The following MDGA2 variants were observed in gnomAD, a reference collection of about 807,000 sequenced individuals.
MDGA2 encodes the protein MAM domain-containing glycosylphosphatidylinositol anchor protein 2.
A neutral mutation model predicts 117.8 loss-of-function variants in MDGA2; 40 were observed. That is an observed-to-expected ratio of 0.34 (90% confidence interval 0.26 to 0.44). The LOEUF is 0.44. Ranked by LOEUF, MDGA2 falls within the 20% of genes least tolerant of loss-of-function variation. The pLI is 1.00. For synonymous variants in MDGA2, 452 were observed against 439.0 expected, an observed-to-expected ratio of 1.03 and a Z score of -0.37; for missense variants, 1,123 against 1,250.6, an observed-to-expected ratio of 0.90 and a Z score of 1.54.
At chr14:47,501,500 T>G (rs2138673458) in intron 1 of MDGA2, among the ~76,000 whole-genome samples, 1 of 152,314 alleles carries the variant, frequency 6.6e-6, no homozygotes, top group Non-Finnish European at 1.5e-5. Flanking sequence ...TGAGTTGAAC[T>G]GTGTCACCCC....
chr14:46,868,588 C>T (rs1222131042), intron 14 of MDGA2, among the ~76,000 whole-genome samples: 1 of 151,918 alleles, frequency 6.6e-6, no homozygotes, highest in Non-Finnish European at 1.5e-5. Context: ...AAGATCTTTA[C>T]CCTGGAAGCT....
At chr14:47,505,133 T>C (rs980151131) in intron 1 of MDGA2, among the ~76,000 whole-genome samples, 1 of 152,004 alleles carries the variant, frequency 6.6e-6, no homozygotes, top group Admixed American at 6.6e-5. Context: ...ATCTCACTCA[T>C]ATGTGGAATC....
chr14:46,986,868 T>C (rs1301510504), intron 8 of MDGA2, among the ~76,000 whole-genome samples: 3 of 152,122 alleles, frequency 2.0e-5, no homozygotes, highest in Non-Finnish European at 2.9e-5. Context: ...CTTAGAAAGC[T>C]TGGTTAACAA....
At chr14:46,996,966 T>C (rs1022753104) in intron 8 of MDGA2, 90 of 403,502 alleles carry the variant, frequency 2.2e-4, no homozygotes, top group African/African-American at 1.8e-3. Flanking sequence ...TTGGTGGGAA[T>C]AGCTTCATGC....
At chr14:46,895,242 T>C (rs747086773) in intron 10 of MDGA2, among the ~76,000 whole-genome samples, 9 of 152,284 alleles carry the variant, frequency 5.9e-5, no homozygotes, top group Middle Eastern at 3.4e-3. Flanking sequence ...ACTGCTGTTC[T>C]CGTGATAGTG....
chr14:47,144,815 A>ATTTTTTTTTTTTTTT (rs60842690), intron 3 of MDGA2, among the ~76,000 whole-genome samples: 17 of 130,458 alleles, frequency 1.3e-4, no homozygotes, highest in East Asian at 2.2e-4. Flanking sequence ...TGCCCGGCTA[A>ATTTTTTTTTTTTTTT]TTTTTTTTTT....
rs756528353 is a variant in MDGA2 at position 46,929,601 on chromosome 14, GTATATATATATATATATATATATATA to G, written c.2090-9467_2090-9442del. The stretch of plus-strand genomic sequence containing the variant: ...TATACGTGTGTGTGTGTGTGTGTGT[GTATATATATATATATATATATATATA>G]TATATATATATATATATATACATTT... On this transcript the variant is annotated intron_variant, in intron 9 of 16. Coordinates refer to ENST00000399232, the MANE Select transcript of MDGA2 (RefSeq NM_001113498.3). Among the ~76,000 whole-genome samples, 31 of 12,682 alleles carry G rather than the reference GTATATATATATATATATATATATATA, an allele frequency of 2.4e-3. 2 individuals are homozygous for G. The highest frequency in any genetic ancestry group is 8.1e-3 in the South Asian group (2 of 246). The allele number at this position is 12,682 out of a possible 152,430, so 8.3% of individuals were successfully genotyped here. A position where few individuals can be genotyped will look rare whatever the true frequency, so the allele number is the denominator to read the frequency against.
At chr14:47,015,360 G>A (rs1888046093) in intron 8 of MDGA2, among the ~76,000 whole-genome samples, 1 of 148,672 alleles carries the variant, frequency 6.7e-6, no homozygotes, top group African/African-American at 2.5e-5. Context: ...TGCTGGAAAC[G>A]AACCTTCAAT....
chr14:47,216,028 A>G (rs1886074507), intron 3 of MDGA2, among the ~76,000 whole-genome samples: 1 of 152,128 alleles, frequency 6.6e-6, no homozygotes, highest in Non-Finnish European at 1.5e-5. Context: ...GGAAATCTGG[A>G]GATAACAGTG....
At chr14:47,158,644 G>A (rs1016728193) in intron 3 of MDGA2, among the ~76,000 whole-genome samples, 4 of 151,908 alleles carry the variant, frequency 2.6e-5, no homozygotes, top group African/African-American at 9.7e-5. Context: ...TAGTAGAGAC[G>A]GGGTTTCACC....
intron 1 of MDGA2, among the ~76,000 whole-genome samples, chr14:47,338,856 G>A (rs78765410): frequency 0.055 from 8,426 of 152,132 alleles, 280 homozygotes; most frequent in Middle Eastern, 0.096. Context: ...TTTCACTCCT[G>A]AAACTTGATG....
chr14:47,538,580 A>C (rs1227487229), intron 1 of MDGA2, among the ~76,000 whole-genome samples: 2 of 152,188 alleles, frequency 1.3e-5, no homozygotes, highest in Non-Finnish European at 2.9e-5. Flanking sequence ...GCGTTTTCTC[A>C]CACTCAAAAC....
rs777715271 is a variant in MDGA2, at chr14:47,595,547, C to CAAAAA, written c.280+78965_280+78969dup. ...AACTCCTTCTAAAAAAACCAAAAAA[C>CAAAAA]AAAAAAAAACAAAAAAAAAAAAAAC... On this transcript the variant is annotated intron_variant, in intron 1 of 16. Transcript: ENST00000399232. 1.2e-4 allele frequency among the ~76,000 whole-genome samples: 8 copies of CAAAAA among 69,054 alleles called. 3 individuals are homozygous for CAAAAA. The highest frequency in any genetic ancestry group is 2.0e-4 in the Non-Finnish European group (8 of 39,376). The allele number at this position is 69,054 out of a possible 152,430, so 45.3% of individuals were successfully genotyped here.
At position 47,154,511 on chromosome 14, in the gene MDGA2, G is replaced by GC. The variant is rs567967053; in HGVS notation, c.596-10238dup. 3.0e-3 allele frequency among the ~76,000 whole-genome samples: 452 copies of GC among 152,270 alleles called. 1 individual carries two copies. The highest frequency in any genetic ancestry group is 0.01 in the Middle Eastern group (3 of 294). ...CATCCCTGTGCTCTTGGCCTGTGAA[G>GC]CCCCCCTGCCCCTGCATGCTTGGAA... On this transcript the variant is annotated intron_variant, in intron 3 of 16. Coordinates refer to ENST00000399232, the MANE Select transcript of MDGA2 (RefSeq NM_001113498.3).
intron 1 of MDGA2, among the ~76,000 whole-genome samples, chr14:47,345,123 TA>T (rs965464341): frequency 1.3e-5 from 2 of 151,876 alleles, no homozygotes; most frequent in Non-Finnish European, 2.9e-5. Flanking sequence ...TCAAAACCAA[TA>T]AAAAAAGGAA....
At chr14:47,364,204 T>A (rs546604761) in intron 1 of MDGA2, among the ~76,000 whole-genome samples, 1 of 152,232 alleles carries the variant, frequency 6.6e-6, no homozygotes, top group East Asian at 1.9e-4. Flanking sequence ...ATCTAAAGAG[T>A]AAGTATACAT....
chr14:47,102,110 A>G (rs1041867378), intron 5 of MDGA2, among the ~76,000 whole-genome samples: 1 of 152,174 alleles, frequency 6.6e-6, no homozygotes, highest in African/African-American at 2.4e-5. Context: ...AGCAGGATAC[A>G]GTGTTAATCA....
intron 1 of MDGA2, among the ~76,000 whole-genome samples, chr14:47,311,947 T>C (rs1399269471): frequency 1.3e-5 from 2 of 151,998 alleles, no homozygotes; most frequent in Non-Finnish European, 1.5e-5. Flanking sequence ...AAGAATAGAA[T>C]ACAGAAAAAG....
intron 1 of MDGA2, among the ~76,000 whole-genome samples, chr14:47,447,872 T>C (rs374529547): frequency 1.6e-4 from 25 of 152,280 alleles, no homozygotes; most frequent in African/African-American, 5.8e-4. Context: ...AATTCTCTCA[T>C]TTGACTGGAG....
Sources: gnomAD v4.1 joint callset for allele counts (sites outside exome capture counted in the v4.1 genomes callset) on GRCh38, gnomAD v4.1.1 for gene constraint, MANE v1.5 for transcripts, NCBI Gene and HGNC (gene_info 2026-07-23, HGNC 2026-07-21) for gene names.